The following CCDC141 variants were observed in gnomAD, a reference collection of about 807,000 sequenced individuals.
The protein encoded by CCDC141 is coiled-coil domain-containing protein 141.
Under a neutral mutation model 181.0 loss-of-function variants are expected in CCDC141, and 168 were observed. The observed-to-expected ratio is 0.93, with a 90% CI of 0.82 to 1.05. The LOEUF (loss-of-function observed/expected upper bound fraction) is 1.05, where lower values mean the gene tolerates loss of function less well. Ranked by LOEUF, CCDC141 falls within the 50% of genes least tolerant of loss-of-function variation. The pLI is 0.00. For synonymous variants in CCDC141, 666 were observed against 642.3 expected (o/e 1.04, Z -0.56); for missense variants, 1,902 against 1,788.5 (o/e 1.06, Z -1.14).
chr2:178,878,428 T>C (rs1033618362), intron 11 of CCDC141, among the ~76,000 whole-genome samples: 3 of 150,894 alleles, frequency 2.0e-5, no homozygotes, highest in Non-Finnish European at 4.4e-5. Context: ...CTTCCAAGTA[T>C]TAATGGCTAA....
intron 2 of CCDC141, among the ~76,000 whole-genome samples, chr2:179,020,236 C>T (rs2042656216): frequency 6.6e-6 from 1 of 151,958 alleles, no homozygotes; most frequent in African/African-American, 2.4e-5. Context: ...GGGTTAAAAT[C>T]CAAAAGCATA....
intron 4 of CCDC141, among the ~76,000 whole-genome samples, chr2:178,971,730 G>C (rs1437402656): frequency 1.3e-5 from 2 of 152,102 alleles, no homozygotes; most frequent in East Asian, 1.9e-4. Flanking sequence ...ACACACCATA[G>C]AATACTATGC....
At chr2:179,035,877 G>A (rs2043131454) in intron 2 of CCDC141, among the ~76,000 whole-genome samples, 1 of 152,166 alleles carries the variant, frequency 6.6e-6, no homozygotes, top group Non-Finnish European at 1.5e-5. Flanking sequence ...CTTCTCAGGA[G>A]GAGACATTTC....
intron 3 of CCDC141, among the ~76,000 whole-genome samples, chr2:178,976,100 T>C (rs949465666): frequency 6.6e-6 from 1 of 152,168 alleles, no homozygotes; most frequent in African/African-American, 2.4e-5. Context: ...AGGAAAATAA[T>C]CTTAGAAACA....
chr2:178,887,780 G>A (rs544273250), intron 9 of CCDC141, among the ~76,000 whole-genome samples: 7 of 152,284 alleles, frequency 4.6e-5, no homozygotes, highest in African/African-American at 1.7e-4. Context: ...GTAAGTTCAG[G>A]CATATAAGTC....
intron 2 of CCDC141, among the ~76,000 whole-genome samples, chr2:179,005,651 T>C (rs1266102879): frequency 6.6e-6 from 1 of 152,168 alleles, no homozygotes; most frequent in Non-Finnish European, 1.5e-5. Context: ...TCTTTTCTTT[T>C]TGAGACAGAG....
At chr2:178,995,309 C>A (rs900748106) in intron 2 of CCDC141, among the ~76,000 whole-genome samples, 4 of 152,178 alleles carry the variant, frequency 2.6e-5, no homozygotes, top group Non-Finnish European at 5.9e-5. Flanking sequence ...TGGATAGCAG[C>A]AGGCAAAAAG....
chr2:178,855,795 G>T (rs1354483306), intron 18 of CCDC141, among the ~76,000 whole-genome samples: 1 of 152,166 alleles, frequency 6.6e-6, no homozygotes, highest in African/African-American at 2.4e-5. Flanking sequence ...CTTTTTTAAA[G>T]ACATTGATGA....
At position 178,981,702 on chromosome 2, in the gene CCDC141, A is replaced by AG. The variant is rs1491533295; in HGVS notation, c.226-3028_226-3027insC. Among the ~76,000 whole-genome samples the AG allele has an allele frequency of 8.4e-3, 585 of 69,326 alleles. 11 individuals are homozygous for AG. Among genetic ancestry groups the AG allele is most frequent in the African/African-American group, 0.019 (405 of 21,304 alleles). 45.5% of individuals were successfully genotyped at this position (69,326 alleles called of 152,430 possible). ...TATATATAGAGAGAGAGAGAGAGAG[A>AG]AAAAAAAACCTAAATCAGTCTTCTG... is the stretch of plus-strand genomic sequence containing the variant. On this transcript the variant is annotated intron_variant, in intron 2 of 23. Transcript: ENST00000443758.
chr2:179,015,128 TATC>T (rs1176868844), intron 2 of CCDC141, among the ~76,000 whole-genome samples: 5 of 101,892 alleles, frequency 4.9e-5, no homozygotes, highest in African/African-American at 1.4e-4. Context: ...CATATATATA[TATC>T]ATATCATATA....
chr2:178,975,100 C>T lies in CCDC141; in HGVS notation c.483G>A (p.Glu161=). Reference sequence around the variant, plus strand: ...GAAGCTGAAGAAGTGATTTTAAGGACTCAGCACTCTCAAACTCATGAGTAT... The same window carrying T: ...GAAGCTGAAGAAGTGATTTTAAGGATTCAGCACTCTCAAACTCATGAGTAT... The part of the protein sequence containing the change: ...LQNTHEFESA[E]SLKSLLQLHE... Residue 161 remains glutamate, a synonymous_variant, in exon 4 of 24, where the codon GAG becomes GAA. Coordinates refer to ENST00000443758, the MANE Select transcript of CCDC141 (RefSeq NM_173648.4). 1 of 1,531,786 alleles carries T rather than the reference C, an allele frequency of 6.5e-7. No homozygotes were observed. The highest frequency in any genetic ancestry group is 8.8e-7 in the Non-Finnish European group (1 of 1,133,008). The allele number at this position is 1,531,786 out of a possible 1,614,324, so 94.9% of individuals were successfully genotyped here. A position where few individuals can be genotyped will look rare whatever the true frequency, so the allele number is the denominator to read the frequency against.
At chr2:178,988,469 T>C (rs1471134493) in intron 2 of CCDC141, among the ~76,000 whole-genome samples, 3 of 137,216 alleles carry the variant, frequency 2.2e-5, no homozygotes, top group East Asian at 3.9e-4. Context: ...TAAAGTATAA[T>C]AATAAAAAAT....
chr2:178,839,846 C>T (rs1332602186), intron 22 of CCDC141, among the ~76,000 whole-genome samples: 7 of 152,128 alleles, frequency 4.6e-5, no homozygotes, highest in African/African-American at 1.7e-4. Context: ...CAGCTTAGCT[C>T]GGTCTCTCTG....
rs77179515 is a variant in CCDC141 at position 178,989,769 on chromosome 2, A to G, written c.226-11094T>C. 9.7e-3 allele frequency among the ~76,000 whole-genome samples: 1,460 copies of G among 150,264 alleles called. 26 individuals are homozygous for G. The highest frequency in any genetic ancestry group is 0.034 in the African/African-American group (1,409 of 40,926). ...GATGCTCAAATGATTAGTCTTAGAA[A>G]AATGCAAATCAAAAGTACAATGAGA... On this transcript the variant is annotated intron_variant, in intron 2 of 23. Transcript: ENST00000443758.
Position 178,837,060 on chromosome 2 carries a change from C to A in CCDC141, c.4159G>T (p.Val1387Phe), listed in dbSNP as rs759550127. 1 of 1,614,006 alleles carries A rather than the reference C, an allele frequency of 6.2e-7. No individual in the cohort carries two copies. ...GTSRGYQRQM[V>F]PREEIKSTSA... is the part of the protein sequence containing the mutation. ...GTGCTTTTAATCTCTTCTCGAGGAA[C>A]CATTTGCCTCTGATAGCCCCTGCTG... Residue 1387 changes from valine (V) to phenylalanine (F), a missense_variant, in exon 23 of 24, where the codon GTT becomes TTT. Val to Phe is a conservative substitution (Grantham distance 50). Transcript: ENST00000443758.
intron 7 of CCDC141, among the ~76,000 whole-genome samples, chr2:178,918,235 C>A (rs1210443114): frequency 6.6e-6 from 1 of 151,868 alleles, no homozygotes; most frequent in Non-Finnish European, 1.5e-5. Context: ...CATAGCAAGA[C>A]CCTGTCTCTA....
chr2:178,888,012 A>G (rs915552480), intron 9 of CCDC141, among the ~76,000 whole-genome samples: 4 of 152,162 alleles, frequency 2.6e-5, no homozygotes, highest in African/African-American at 9.7e-5. Context: ...GGATTTTCAC[A>G]TGTATGTTTA....
chr2:178,815,676 T>G, the CCDC141 span, among the ~76,000 whole-genome samples: 2 of 152,256 alleles, frequency 1.3e-5, no homozygotes, highest in Non-Finnish European at 2.9e-5. Context: ...TATTTGCATT[T>G]AAACTATGCA....
At chr2:178,829,271 A>G (rs1474457640), downstream of CCDC141, among the ~76,000 whole-genome samples, 1 of 152,258 alleles carries the variant, frequency 6.6e-6, no homozygotes, top group Non-Finnish European at 1.5e-5. Context: ...ATAGGAAGTT[A>G]ATTTTGTGGT....
Sources: allele counts gnomAD v4.1 joint callset (sites outside exome capture counted in the v4.1 genomes callset), GRCh38; gene constraint gnomAD v4.1.1; transcripts MANE v1.5; gene names NCBI Gene and HGNC (gene_info 2026-07-23, HGNC 2026-07-21).